The following PLS1 variants were observed in gnomAD, a reference collection of about 807,000 sequenced individuals.
PLS1 encodes plastin 1, also known as plastin-1.
PLS1 carries 32 observed loss-of-function variants against 73.7 expected under a neutral mutation model. That is an observed-to-expected ratio of 0.43 (90% CI 0.33 to 0.58). The LOEUF (loss-of-function observed/expected upper bound fraction) is 0.58, where lower values mean the gene tolerates loss of function less well. PLS1 is among the 20% of genes least tolerant of loss of function. The pLI, the probability that PLS1 is intolerant of heterozygous loss-of-function variation, is 0.04. For synonymous variants in PLS1, 217 were observed against 261.3 expected, an observed-to-expected ratio of 0.83 and a Z score of 1.63; for missense variants, 633 against 740.5, an observed-to-expected ratio of 0.85 and a Z score of 1.68.
intron 6 of PLS1, among the ~76,000 whole-genome samples, chr3:142,681,053 A>C (rs1377621897): frequency 6.6e-6 from 1 of 152,186 alleles, no homozygotes; most frequent in African/African-American, 2.4e-5. Context: ...CTTCTATAGA[A>C]AGCTAGTCTT....
At chr3:142,694,780 T>G (rs2107925741) in intron 11 of PLS1, among the ~76,000 whole-genome samples, 1 of 152,334 alleles carries the variant, frequency 6.6e-6, no homozygotes, top group East Asian at 1.9e-4. Flanking sequence ...AAGATAATCC[T>G]TTTTTATAGT....
chr3:142,685,593 G>A (rs1458943619), intron 8 of PLS1, among the ~76,000 whole-genome samples: 1 of 152,162 alleles, frequency 6.6e-6, no homozygotes, highest in Non-Finnish European at 1.5e-5. Context: ...TCTCTACATG[G>A]TGAGCTCAGG....
At chr3:142,621,563 G>A (rs1023794322) in intron 1 of PLS1, among the ~76,000 whole-genome samples, 10 of 152,160 alleles carry the variant, frequency 6.6e-5, no homozygotes, top group African/African-American at 2.4e-4. Flanking sequence ...ACTATATATA[G>A]CAAATATCAA....
At chr3:142,628,928 C>T (rs2036491309) in intron 1 of PLS1, among the ~76,000 whole-genome samples, 1 of 152,184 alleles carries the variant, frequency 6.6e-6, no homozygotes, top group Non-Finnish European at 1.5e-5. Flanking sequence ...GTCAGATTAA[C>T]TCTGTAAGCA....
intron 2 of PLS1, among the ~76,000 whole-genome samples, chr3:142,668,531 C>T (rs1329708212): frequency 1.3e-5 from 2 of 151,934 alleles, no homozygotes; most frequent in Middle Eastern, 3.4e-3. Context: ...GATTTATTTT[C>T]TAAATTCCCT....
intron 1 of PLS1, among the ~76,000 whole-genome samples, chr3:142,651,723 A>AT (rs1192962410): frequency 6.6e-6 from 1 of 152,238 alleles, no homozygotes; most frequent in African/African-American, 2.4e-5. Context: ...AACCAAACTT[A>AT]ATAGACTGAA....
intron 10 of PLS1, among the ~76,000 whole-genome samples, chr3:142,691,474 T>G (rs1004951152): frequency 1.3e-5 from 2 of 152,172 alleles, no homozygotes; most frequent in African/African-American, 4.8e-5. Context: ...ATCTGCTTTT[T>G]ATAGTCACTG....
chr3:142,639,209 A>G (rs2036777069), intron 1 of PLS1, among the ~76,000 whole-genome samples: 1 of 151,964 alleles, frequency 6.6e-6, no homozygotes, highest in Non-Finnish European at 1.5e-5. Context: ...CATAGCATGG[A>G]TAGGAGGGTG....
intron 1 of PLS1, among the ~76,000 whole-genome samples, chr3:142,601,233 T>A (rs983690595): frequency 9.2e-5 from 14 of 151,566 alleles, no homozygotes; most frequent in South Asian, 2.1e-4. Flanking sequence ...CCTATATTTT[T>A]TATATATATA....
intron 12 of PLS1, among the ~76,000 whole-genome samples, chr3:142,700,565 A>G (rs544530585): frequency 2.6e-4 from 40 of 152,058 alleles, no homozygotes; most frequent in Middle Eastern, 3.4e-3. Context: ...CTCGTGATCC[A>G]CCCGCCTTGG....
intron 1 of PLS1, among the ~76,000 whole-genome samples, chr3:142,644,771 ATAATGAGG>A (rs1418333689): frequency 6.6e-6 from 1 of 152,246 alleles, no homozygotes; most frequent in Non-Finnish European, 1.5e-5. Flanking sequence ...ACGTCATCTA[ATAATGAGG>A]TAATGGATGT....
chr3:142,597,956 C>G (rs948881359), intron 1 of PLS1, among the ~76,000 whole-genome samples: 2 of 152,198 alleles, frequency 1.3e-5, no homozygotes, highest in Admixed American at 1.3e-4. Context: ...ATTTGCTGGT[C>G]CTGAAAACGC....
At position 142,703,738 on chromosome 3, in the gene PLS1, T is replaced by C; in HGVS notation, c.1372-130T>C. On this transcript the variant is annotated intron_variant, in intron 12 of 15. Coordinates refer to ENST00000457734, the MANE Select transcript of PLS1 (RefSeq NM_001145319.2). ...TATGTCCTTGCTTTCCCTGGGTTAT[T>C]ATTATGAAATTGGTCATATAAATTT... The C allele has an allele frequency of 6.6e-6, 4 of 601,900 alleles. No homozygotes were observed. In the South Asian group the frequency reaches 9.5e-5, roughly 14 times the overall value. 37.3% of individuals were successfully genotyped at this position (601,900 alleles called of 1,614,324 possible). A position where few individuals can be genotyped will look rare whatever the true frequency, so the allele number is the denominator to read the frequency against.
Position 142,711,485 on chromosome 3 carries a change from A to G in PLS1, c.1630-16A>G, listed in dbSNP as rs182871063. The G allele has an allele frequency of 5.6e-3, 8,619 of 1,549,722 alleles. 42 individuals are homozygous for G. The highest frequency in any genetic ancestry group is 6.6e-3 in the Non-Finnish European group (7,444 of 1,126,312). On this transcript the variant is annotated splice_polypyrimidine_tract_variant and intron_variant, in intron 14 of 15. Coordinates refer to ENST00000457734, the MANE Select transcript of PLS1 (RefSeq NM_001145319.2). Reference sequence around the variant, plus strand: ...GTCAGATGTTTATGAATGTTCATCTATGCTTTATTTTCTAGGATAAATCTA... The same window carrying G: ...GTCAGATGTTTATGAATGTTCATCTGTGCTTTATTTTCTAGGATAAATCTA...
chr3:142,611,520 G>T (rs977475979), intron 1 of PLS1, among the ~76,000 whole-genome samples: 4 of 152,144 alleles, frequency 2.6e-5, no homozygotes, highest in African/African-American at 9.7e-5. Flanking sequence ...TACTCAGGAG[G>T]CTGAGACAGG....
chr3:142,619,258 C>G (rs1413158984), intron 1 of PLS1, among the ~76,000 whole-genome samples: 1 of 152,064 alleles, frequency 6.6e-6, no homozygotes, highest in South Asian at 2.1e-4. Context: ...AGCTTGGATT[C>G]AGAAAAAAAT....
chr3:142,684,035 C>T lies in PLS1; in HGVS notation c.609C>T (p.Ala203=), dbSNP rs554932592. The T allele has an allele frequency of 6.2e-7, 1 of 1,609,974 alleles. No homozygotes were observed. Among genetic ancestry groups the T allele is most frequent in the East Asian group, 2.2e-5 (1 of 44,858 alleles). Residue 203 remains alanine, a synonymous_variant, in exon 7 of 16, where the codon GCC becomes GCT. Transcript: ENST00000457734. ...SENLNLALNS[A]SAIGCTVVNI... ...ATTTAAACCTAGCTCTGAATTCTGC[C>T]TCAGCCATTGGTTGTACAGTGGTCA...
chr3:142,654,955 T>C (rs1218547847), intron 1 of PLS1: 3 of 152,084 alleles, frequency 2.0e-5, no homozygotes, highest in East Asian at 3.9e-4. Flanking sequence ...TGAAGAGAAA[T>C]ATTAGAGAAA....
intron 1 of PLS1, among the ~76,000 whole-genome samples, chr3:142,653,805 A>G (rs2037156769): frequency 1.3e-5 from 2 of 152,234 alleles, no homozygotes; most frequent in South Asian, 4.1e-4. Flanking sequence ...TAATTTGTTC[A>G]TCAAAGAGCA....
Sources: allele counts gnomAD v4.1 joint callset (sites outside exome capture counted in the v4.1 genomes callset), GRCh38; gene constraint gnomAD v4.1.1; transcripts MANE v1.5; gene names NCBI Gene and HGNC (gene_info 2026-07-23, HGNC 2026-07-21).